The following C10orf67 variants were observed in gnomAD, a reference collection of about 807,000 sequenced individuals.
The protein encoded by C10orf67 is chromosome 10 open reading frame 67.
In C10orf67, 60 loss-of-function variants were observed where a neutral mutation model predicts 35.6. The ratio of observed to expected loss-of-function variants is 1.68; its 90% CI spans 1.37 to 2.09. The LOEUF (loss-of-function observed/expected upper bound fraction) is 2.09. C10orf67 is among the 30% of genes most tolerant of loss of function. C10orf67 has a pLI of 0.00. For missense variants in C10orf67, 474 were observed against 330.2 expected (o/e 1.44, Z -3.38); for synonymous variants, 167 against 115.8 (o/e 1.44, Z -2.84).
At chr10:23,259,866 A>C (rs1198121188) in intron 10 of C10orf67, among the ~76,000 whole-genome samples, 1 of 152,130 alleles carries the variant, frequency 6.6e-6, no homozygotes, top group African/African-American at 2.4e-5. Context: ...CAACTCTCCA[A>C]ACTGAAACAA....
intron 5 of C10orf67, among the ~76,000 whole-genome samples, chr10:23,294,714 TG>T (rs1843826433): frequency 6.6e-6 from 1 of 152,138 alleles, no homozygotes; most frequent in African/African-American, 2.4e-5. Flanking sequence ...AAATAAAACT[TG>T]TTTATTTCAC....
At chr10:23,334,004 T>G (rs1401645442) in intron 1 of C10orf67, among the ~76,000 whole-genome samples, 2 of 152,226 alleles carry the variant, frequency 1.3e-5, no homozygotes, top group African/African-American at 2.4e-5. Flanking sequence ...GGTATTTCTA[T>G]TAACACATAC....
intron 10 of C10orf67, among the ~76,000 whole-genome samples, chr10:23,265,040 T>G (rs1718166408): frequency 6.6e-6 from 1 of 152,258 alleles, no homozygotes; most frequent in Non-Finnish European, 1.5e-5. Flanking sequence ...CACTGGTCAT[T>G]TCTATGCAAA....
intron 1 of C10orf67, among the ~76,000 whole-genome samples, chr10:23,333,644 T>C (rs1198154494): frequency 6.6e-6 from 1 of 152,220 alleles, no homozygotes; most frequent in African/African-American, 2.4e-5. Context: ...ATTTTATTTG[T>C]CTTTTTACTG....
Position 23,203,956 on chromosome 10 carries a change from A to G in C10orf67, c.*217T>C, listed in dbSNP as rs1662677767. ...GCGCCCCGCTCACCCAGCACCAGCC[A>G]GGGCTTTCCTTAAAGGCGTGGAAAG... is the stretch of plus-strand genomic sequence containing the variant. On this transcript the variant is annotated 3_prime_UTR_variant, in exon 16 of 16. Coordinates refer to ENST00000636213, the MANE Select transcript of C10orf67 (RefSeq NM_001371909.1). 2.8e-6 allele frequency: 1 copy of G among 356,800 alleles called. No individual in the cohort carries two copies. The highest frequency in any genetic ancestry group is 5.0e-6 in the Non-Finnish European group (1 of 200,452). The allele number at this position is 356,800 out of a possible 1,614,324, so 22.1% of individuals were successfully genotyped here. A position where few individuals can be genotyped will look rare whatever the true frequency, so the allele number is the denominator to read the frequency against.
At chr10:23,239,405 T>C (rs1203023240) in intron 13 of C10orf67, among the ~76,000 whole-genome samples, 3 of 152,202 alleles carry the variant, frequency 2.0e-5, no homozygotes, top group Non-Finnish European at 1.5e-5. Context: ...TTCCCAATAT[T>C]ACATCCGTGG....
At chr10:23,236,315 C>G (rs1431020823) in intron 13 of C10orf67, among the ~76,000 whole-genome samples, 1 of 147,760 alleles carries the variant, frequency 6.8e-6, no homozygotes, top group Non-Finnish European at 1.5e-5. Flanking sequence ...TGCCTGTAAT[C>G]CCAGCTACTC....
intron 2 of C10orf67, among the ~76,000 whole-genome samples, chr10:23,325,005 A>G (rs1226851652): frequency 6.6e-6 from 1 of 152,024 alleles, no homozygotes. Flanking sequence ...TCCCAGGTGA[A>G]AAAAAAATCA....
intron 8 of C10orf67, among the ~76,000 whole-genome samples, chr10:23,267,908 A>G (rs1256493246): frequency 6.6e-6 from 1 of 152,114 alleles, no homozygotes; most frequent in Non-Finnish European, 1.5e-5. Flanking sequence ...TCTCAAAAAA[A>G]AGAAAAAAAA....
intron 8 of C10orf67, among the ~76,000 whole-genome samples, chr10:23,268,795 C>T (rs763430447): frequency 2.0e-5 from 3 of 152,320 alleles, no homozygotes; most frequent in Non-Finnish European, 2.9e-5. Flanking sequence ...CTAGACTTTA[C>T]GGCATAGCCT....
At chr10:23,268,532 A>G (rs1426831928) in intron 8 of C10orf67, among the ~76,000 whole-genome samples, 1 of 152,206 alleles carries the variant, frequency 6.6e-6, no homozygotes, top group East Asian at 1.9e-4. Flanking sequence ...ATTTTCTCTC[A>G]CCTACCAATA....
At chr10:23,266,095 G>C (rs1022795551) in intron 10 of C10orf67, among the ~76,000 whole-genome samples, 167 bp downstream of exon 10, 6 of 152,158 alleles carry the variant, frequency 3.9e-5, no homozygotes, top group South Asian at 2.1e-4. Context: ...AAAAGTAAAG[G>C]AGGCTCACCC....
chr10:23,216,103 C>T (rs188226798), intron 15 of C10orf67, among the ~76,000 whole-genome samples: 2 of 152,204 alleles, frequency 1.3e-5, no homozygotes, highest in East Asian at 3.9e-4. Context: ...TGCATTAAGA[C>T]AGGAAGAAGA....
At chr10:23,315,201 A>T (rs1844654997) in intron 4 of C10orf67, among the ~76,000 whole-genome samples, 3 of 152,222 alleles carry the variant, frequency 2.0e-5, no homozygotes, top group African/African-American at 7.2e-5. Flanking sequence ...TTCTTAAGTC[A>T]ACTAACCACA....
At chr10:23,205,282 C>T (rs1588568679) in intron 15 of C10orf67, among the ~76,000 whole-genome samples, 1 of 152,180 alleles carries the variant, frequency 6.6e-6, no homozygotes, top group Non-Finnish European at 1.5e-5. Flanking sequence ...CAATGCTACA[C>T]ACTGCCATAA....
intron 12 of C10orf67, among the ~76,000 whole-genome samples, chr10:23,248,176 A>T (rs1842363812): frequency 6.6e-6 from 1 of 152,184 alleles, no homozygotes. Context: ...AAGTGAGTCC[A>T]TCTGGCCCAG....
intron 7 of C10orf67, among the ~76,000 whole-genome samples, chr10:23,284,420 C>T (rs1258448919): frequency 1.3e-5 from 2 of 151,892 alleles, no homozygotes; most frequent in Admixed American, 6.6e-5. Context: ...CGGTGGCTCA[C>T]GCCTATGATC....
chr10:23,266,824 C>T (rs1842893751), intron 9 of C10orf67, among the ~76,000 whole-genome samples: 1 of 152,132 alleles, frequency 6.6e-6, no homozygotes, highest in Non-Finnish European at 1.5e-5. Flanking sequence ...CGCTAGCTGG[C>T]TTTTTGGCTT....
At chr10:23,267,295 A>G in intron 8 of C10orf67, 41 bp from the exon 9 acceptor site, 1 of 667,586 alleles carries the variant, frequency 1.5e-6, no homozygotes, top group Non-Finnish European at 2.7e-6. Context: ...ATTATCTGCA[A>G]AGATTAAAAA....
Sources: gnomAD v4.1 joint callset for allele counts (sites outside exome capture counted in the v4.1 genomes callset) on GRCh38, gnomAD v4.1.1 for gene constraint, MANE v1.5 for transcripts, NCBI Gene and HGNC (gene_info 2026-07-23, HGNC 2026-07-21) for gene names.